SYNE2: variants seen among roughly 807,000 people sequenced by gnomAD.
SYNE2 encodes spectrin repeat containing nuclear envelope protein 2, also known as nesprin-2.
Under a neutral mutation model 856.3 loss-of-function variants are expected in SYNE2, and 431 were observed. The observed-to-expected ratio is 0.50, with a 90% CI of 0.47 to 0.55. The LOEUF is 0.55. Among genes scored for constraint, SYNE2 ranks in the 20% least tolerant of loss-of-function variants. The pLI, the probability that SYNE2 is intolerant of heterozygous loss-of-function variation, is 0.00. For missense variants in SYNE2, 8,129 were observed against 8,023.2 expected, an observed-to-expected ratio of 1.01 and a Z score of -0.50; for synonymous variants, 2,923 against 2,872.3, an observed-to-expected ratio of 1.02 and a Z score of -0.56.
At position 64,186,559 on chromosome 14, in the gene SYNE2, T is replaced by A; in HGVS notation, c.17692T>A (p.Trp5898Arg). 6.2e-7 allele frequency: 1 copy of A among 1,614,184 alleles called. No individual in the cohort carries two copies. The change falls in exon 97 of 116, where the codon TGG becomes AGG. Residue 5898 changes from tryptophan (W) to arginine (R), a missense_variant. By Grantham distance (101) the Trp-to-Arg change is moderately radical. This residue lies in a region of SYNE2 where 5,410 missense variants were observed against 5,284.8 expected (regional missense o/e 1.02). Coordinates refer to ENST00000555002, the MANE Select transcript of SYNE2 (RefSeq NM_182914.3). Reference protein sequence around the residue: ...KEQIEHLHRQWEDLCLRVAIR... With the variant: ...KEQIEHLHRQREDLCLRVAIR... ...GCAAATAGAGCATTTGCACAGACAA[T>A]GGGAGGACCTCTGCTTAAGGGTAAG...
At chr14:63,803,481 G>A (rs1888239081) in intron 1 of SYNE2, among the ~76,000 whole-genome samples, 1 of 152,236 alleles carries the variant, frequency 6.6e-6, no homozygotes, top group Admixed American at 6.5e-5. Flanking sequence ...GGGGGACCCA[G>A]TACACCCTCC....
intron 97 of SYNE2, among the ~76,000 whole-genome samples, 181 bp downstream of exon 97, chr14:64,186,760 T>G (rs1293659714): frequency 1.3e-5 from 2 of 152,246 alleles, no homozygotes; most frequent in African/African-American, 4.8e-5. Flanking sequence ...ACCCTTTTGT[T>G]TCTCCAGCAC....
chr14:64,051,979 A>C lies in SYNE2; in HGVS notation c.8066A>C (p.Gln2689Pro). 1 of 1,614,028 alleles carries C rather than the reference A, an allele frequency of 6.2e-7. No homozygotes were observed. The highest frequency in any genetic ancestry group is 8.5e-7 in the Non-Finnish European group (1 of 1,180,036). Residue 2689 changes from glutamine to proline, a missense_variant, in exon 48 of 116, where the codon CAG becomes CCG. Gln to Pro is a moderately conservative substitution (Grantham distance 76). Around this residue, in one of 3 missense-constraint regions of SYNE2, gnomAD observed 5,410 missense variants for 5,284.8 expected, o/e 1.02. Coordinates refer to ENST00000555002, the MANE Select transcript of SYNE2 (RefSeq NM_182914.3). ...FSVLKGQAEL[Q>P]MKRIWGEKEK... ...GTTTTAAAGGGGCAAGCTGAACTTC[A>C]GATGAAGAGGATTTGGGGAGAAAAA...
intron 66 of SYNE2, among the ~76,000 whole-genome samples, chr14:64,117,805 C>T (rs1394269725): frequency 6.6e-6 from 1 of 152,120 alleles, no homozygotes; most frequent in Non-Finnish European, 1.5e-5. Flanking sequence ...GTATACTCAA[C>T]CTCTACTAAG....
chr14:64,209,447 C>T lies in SYNE2; in HGVS notation c.18409C>T (p.Leu6137=), dbSNP rs761382847. ...RRMKIEETWR[L]WQKFLDDYSR... is the part of the protein sequence containing the mutation. The stretch of plus-strand genomic sequence containing the variant: ...CATCAGAATCGAGGAGACGTGGCGC[C>T]TGTGGCAGAAGTTTTTAGACGACTA... The change falls in exon 102 of 116, where the codon CTG becomes TTG. Residue 6137 remains leucine (L), a synonymous_variant. Coordinates refer to ENST00000555002, the MANE Select transcript of SYNE2 (RefSeq NM_182914.3). 1 of 1,614,216 alleles carries T rather than the reference C, an allele frequency of 6.2e-7. No homozygotes were observed. The highest frequency in any genetic ancestry group is 8.5e-7 in the Non-Finnish European group (1 of 1,180,038).
chr14:63,867,796 G>A (rs1324457298), intron 1 of SYNE2, among the ~76,000 whole-genome samples: 1 of 152,178 alleles, frequency 6.6e-6, no homozygotes, highest in Non-Finnish European at 1.5e-5. Flanking sequence ...GGTGGTTCAT[G>A]CCTATAATCC....
chr14:63,828,146 A>T (rs918892089), intron 1 of SYNE2, among the ~76,000 whole-genome samples: 24 of 151,890 alleles, frequency 1.6e-4, no homozygotes, highest in African/African-American at 5.8e-4. Context: ...GCCATGAGCC[A>T]TGATCATGCC....
chr14:64,165,478 A>G, intron 90 of SYNE2, 68 bp downstream of exon 90: 1 of 1,538,526 alleles, frequency 6.5e-7, no homozygotes, highest in Non-Finnish European at 9.0e-7. Flanking sequence ...TAAGCTGATT[A>G]CTGTGAACTT....
At chr14:64,184,223 C>G (rs2098476834) in intron 96 of SYNE2, among the ~76,000 whole-genome samples, 1 of 152,132 alleles carries the variant, frequency 6.6e-6, no homozygotes, top group Non-Finnish European at 1.5e-5. Flanking sequence ...TGCAGCAGCA[C>G]CATGGCAGGT....
Position 63,967,638 on chromosome 14 carries a change from C to G in SYNE2, c.991-71C>G, listed in dbSNP as rs2096412643. 10 of 1,519,126 alleles carry G rather than the reference C, an allele frequency of 6.6e-6. No individual in the cohort carries two copies. In the South Asian group the frequency reaches 1.2e-4, roughly 18 times the overall value. 94.1% of individuals were successfully genotyped at this position (1,519,126 alleles called of 1,614,324 possible). On this transcript the variant is annotated intron_variant, in intron 10 of 115. Coordinates refer to ENST00000555002, the MANE Select transcript of SYNE2 (RefSeq NM_182914.3). The stretch of plus-strand genomic sequence containing the variant: ...AAATATATCCTATACCTATAGACCT[C>G]AAAATAACAGATTATATGATATAAA...
intron 64 of SYNE2, among the ~76,000 whole-genome samples, chr14:64,103,355 T>C (rs1275531977): frequency 8.8e-6 from 1 of 113,864 alleles, no homozygotes; most frequent in African/African-American, 6.1e-5. Flanking sequence ...TCCATAATCT[T>C]TTTTTTTTTT....
chr14:63,934,433 A>G (rs1450105243), intron 2 of SYNE2, among the ~76,000 whole-genome samples: 4 of 151,912 alleles, frequency 2.6e-5, no homozygotes, highest in Non-Finnish European at 2.9e-5. Context: ...CATTTGAACA[A>G]TCCAGTTAGA....
At chr14:63,872,761 CAAAAAAAAA>C (rs36125169) in intron 1 of SYNE2, among the ~76,000 whole-genome samples, 7 of 87,780 alleles carry the variant, frequency 8.0e-5, no homozygotes, top group African/African-American at 3.2e-4. Context: ...GACTCTGCCT[CAAAAAAAAA>C]AAAAAAAAAA....
intron 57 of SYNE2, among the ~76,000 whole-genome samples, chr14:64,083,650 A>G (rs934071530): frequency 7.2e-5 from 11 of 152,212 alleles, no homozygotes; most frequent in East Asian, 1.9e-4. Flanking sequence ...AACTAGTCCT[A>G]TGTGAAATCC....
chr14:64,119,640 T>C (rs1336957074), intron 67 of SYNE2, 31 bp downstream of exon 67: 2 of 1,610,018 alleles, frequency 1.2e-6, no homozygotes, highest in East Asian at 2.2e-5. Context: ...GACATTCATC[T>C]TGATACACAT....
rs1286709552 is a variant in SYNE2 at position 63,948,794 on chromosome 14, A to G, written c.409-1031A>G. ...TGTATGTGTGTGTGTATATATATAT[A>G]TATATATATATATATATATATATAT... On this transcript the variant is annotated intron_variant, in intron 6 of 115. Coordinates refer to ENST00000555002, the MANE Select transcript of SYNE2 (RefSeq NM_182914.3). Among the ~76,000 whole-genome samples, 267 of 80,790 alleles carry G rather than the reference A, an allele frequency of 3.3e-3. 11 individuals carry two copies. Among genetic ancestry groups the G allele is most frequent in the African/African-American group, 0.014 (195 of 13,552 alleles). The allele number at this position is 80,790 out of a possible 152,430, so 53.0% of individuals were successfully genotyped here.
chr14:63,899,571 G>C (rs1423006252), intron 1 of SYNE2, among the ~76,000 whole-genome samples: 1 of 150,368 alleles, frequency 6.7e-6, no homozygotes, highest in African/African-American at 2.5e-5. Context: ...GCGCAATCAT[G>C]GCTTATTGCA....
chr14:64,044,670 G>A (rs2097173081), intron 45 of SYNE2, among the ~76,000 whole-genome samples: 1 of 152,124 alleles, frequency 6.6e-6, no homozygotes, highest in Admixed American at 6.5e-5. Context: ...TTATGGGGGT[G>A]GATCTTTCCT....
chr14:64,220,509 C>T lies in SYNE2; in HGVS notation c.19933C>T (p.Gln6645Ter). 6.2e-7 allele frequency: 1 copy of T among 1,614,222 alleles called. No individual in the cohort carries two copies. The highest frequency in any genetic ancestry group is 8.5e-7 in the Non-Finnish European group (1 of 1,180,044). Reference sequence around the variant, plus strand: ...CAACGTGAGCAGCAAGGAATTTCTGCAAACCGAGAGCCCCGAATCCACAGA... The same window carrying T: ...CAACGTGAGCAGCAAGGAATTTCTGTAAACCGAGAGCCCCGAATCCACAGA... ...SVNVSSKEFL[Q>*]TESPESTELQ... The change falls in exon 111 of 116, where the codon CAA (glutamine) becomes TAA (stop). Residue 6645 changes from glutamine (Q) to a stop codon, truncating the protein, a stop_gained. Coordinates refer to ENST00000555002, the MANE Select transcript of SYNE2 (RefSeq NM_182914.3). LOFTEE classifies it high-confidence loss of function.
Sources: allele counts gnomAD v4.1 joint callset (sites outside exome capture counted in the v4.1 genomes callset), GRCh38; gene constraint gnomAD v4.1.1; regional missense constraint gnomAD v4.1.1; transcripts MANE v1.5; gene names NCBI Gene and HGNC (gene_info 2026-07-23, HGNC 2026-07-21).